AK9: variants seen among roughly 807,000 people sequenced by gnomAD.
The protein encoded by AK9 is adenylate kinase 9, also known as adenylate kinase domain containing 1.
AK9 carries 191 observed loss-of-function variants against 239.6 expected under a neutral mutation model. The ratio of observed to expected loss-of-function variants is 0.80; its 90% CI spans 0.71 to 0.90. AK9 has a LOEUF of 0.90. Ranked by LOEUF, AK9 falls within the 40% of genes least tolerant of loss-of-function variation. The pLI, the probability that AK9 is intolerant of heterozygous loss-of-function variation, is 0.00. For missense variants in AK9, 1,995 were observed against 2,214.7 expected (o/e 0.90, Z 1.99); for synonymous variants, 689 against 721.0 (o/e 0.96, Z 0.71).
Position 109,509,159 on chromosome 6 carries a change from C to T in AK9, c.4481+20G>A, listed in dbSNP as rs1426560486. ...AAGATTTAACTCCCTCTGTCCCATC[C>T]TCTCACCCCATTCACTTACCCTGCA... On this transcript the variant is annotated intron_variant, in intron 33 of 40. Transcript: ENST00000424296. The T allele has an allele frequency of 1.3e-6, 2 of 1,549,516 alleles. No homozygotes were observed. Among genetic ancestry groups the T allele is most frequent in the Non-Finnish European group, 1.7e-6 (2 of 1,145,142 alleles).
intron 1 of AK9, among the ~76,000 whole-genome samples, chr6:109,683,610 C>T (rs1023736579): frequency 9.2e-5 from 14 of 152,128 alleles, no homozygotes; most frequent in Admixed American, 8.5e-4. Context: ...CAATAACAGA[C>T]AAACAGAGGG....
chr6:109,565,732 C>A (rs547119082), intron 21 of AK9, among the ~76,000 whole-genome samples: 5 of 152,072 alleles, frequency 3.3e-5, no homozygotes, highest in Non-Finnish European at 7.4e-5. Flanking sequence ...CTAGTCTGCT[C>A]CTAGTTCTGA....
intron 20 of AK9, among the ~76,000 whole-genome samples, chr6:109,574,338 C>A (rs1328198601): frequency 6.6e-6 from 1 of 152,108 alleles, no homozygotes. Context: ...TGTGTCACTG[C>A]ACTCCAGCCT....
intron 17 of AK9, among the ~76,000 whole-genome samples, chr6:109,587,315 CA>C (rs1394475928): frequency 2.0e-5 from 3 of 152,074 alleles, no homozygotes; most frequent in Non-Finnish European, 4.4e-5. Flanking sequence ...TTGTTTGAAA[CA>C]AAACAACATT....
In AK9 at chr6:109,662,653, GATAAT is replaced by G. The variant is rs1800587645; in HGVS notation, c.337_341del (p.Ile113HisfsTer2). 1.9e-6 allele frequency: 3 copies of G among 1,556,606 alleles called. No individual in the cohort carries two copies. In the East Asian group the frequency reaches 7.1e-5, roughly 37 times the overall value. On this transcript the variant is annotated frameshift_variant, in exon 6 of 41. Transcript: ENST00000424296. LOFTEE classifies it high-confidence loss of function. ...CCTGTGAAAGTGATGGTATTTCAGTGATAATATAACCTGTAAAGTAAAATATAATT... is the reference window on the plus strand; with the variant it reads ...CCTGTGAAAGTGATGGTATTTCAGTGATAACCTGTAAAGTAAAATATAATT...
At chr6:109,554,355 T>C (rs1277162532) in intron 24 of AK9, among the ~76,000 whole-genome samples, 1 of 152,122 alleles carries the variant, frequency 6.6e-6, no homozygotes, top group Non-Finnish European at 1.5e-5. Context: ...AGGCTATTAA[T>C]TACCTCCTCA....
intron 8 of AK9, among the ~76,000 whole-genome samples, chr6:109,653,269 T>C (rs1055242240): frequency 4.6e-5 from 7 of 152,142 alleles, no homozygotes; most frequent in African/African-American, 1.7e-4. Context: ...TAGCCAGTTG[T>C]TTTTCCAAAG....
chr6:109,529,948 C>T (rs1781014164), intron 28 of AK9, among the ~76,000 whole-genome samples: 1 of 152,168 alleles, frequency 6.6e-6, no homozygotes. Flanking sequence ...GGTATCCATC[C>T]ATGGCCCAAG....
chr6:109,665,399 T>TA (rs1801041929), intron 5 of AK9, among the ~76,000 whole-genome samples: 1 of 152,128 alleles, frequency 6.6e-6, no homozygotes, highest in South Asian at 2.1e-4. Flanking sequence ...AGTACATCCC[T>TA]AAAAAAATGT....
chr6:109,662,799 T>A, intron 5 of AK9, 136 bp from the exon 6 acceptor site: 1 of 301,156 alleles, frequency 3.3e-6, no homozygotes, highest in South Asian at 1.5e-4. Flanking sequence ...TCAAAAATTT[T>A]AAATTAACAC....
chr6:109,681,709 C>A (rs1772667254), intron 1 of AK9, among the ~76,000 whole-genome samples: 1 of 152,132 alleles, frequency 6.6e-6, no homozygotes, highest in Non-Finnish European at 1.5e-5. Flanking sequence ...AAACACTCCT[C>A]AGTAAATGCA....
rs1274796529 is a variant in AK9, at chr6:109,610,519, G to A, written c.1694-6C>T. On this transcript the variant is annotated splice_polypyrimidine_tract_variant and splice_region_variant and intron_variant, in intron 16 of 40. Transcript: ENST00000424296. ...TATCAAGTCTTCTGTTGGGGCTAAA[G>A]TAAAATAAGCTGATAAATTAATGCC... The A allele has an allele frequency of 6.5e-7, 1 of 1,548,504 alleles. No homozygotes were observed. Among genetic ancestry groups the A allele is most frequent in the South Asian group, 1.2e-5 (1 of 83,500 alleles).
intron 28 of AK9, among the ~76,000 whole-genome samples, chr6:109,529,449 T>C (rs769191399): frequency 1.6e-4 from 25 of 152,168 alleles, no homozygotes; most frequent in African/African-American, 6.0e-4. Context: ...TAGCCTACCA[T>C]AGCGATCCCC....
At chr6:109,678,943 TCA>T (rs1223275311) in intron 1 of AK9, among the ~76,000 whole-genome samples, 3 of 152,176 alleles carry the variant, frequency 2.0e-5, no homozygotes, top group Non-Finnish European at 4.4e-5. Context: ...TATGCTTTTC[TCA>T]CAGTCTTCAC....
Position 109,497,552 on chromosome 6 carries a change from AGAGCTTCATATCTG to A in AK9, c.5217-3_5227del. The A allele has an allele frequency of 6.3e-7, 1 of 1,599,672 alleles. No homozygotes were observed. ...AGCATAGTTAATGCTACCAGGTACT[AGAGCTTCATATCTG>A]GAAGACCAAAAAACAAAACAAAACC... is the stretch of plus-strand genomic sequence containing the variant. On this transcript the variant is annotated splice_acceptor_variant and splice_polypyrimidine_tract_variant and coding_sequence_variant and intron_variant, in exon 38 of 41. Coordinates refer to ENST00000424296, the MANE Select transcript of AK9 (RefSeq NM_001145128.3). LOFTEE classifies it high-confidence loss of function.
At chr6:109,563,551 T>C in intron 24 of AK9, 46 bp downstream of exon 24, 6 of 1,541,096 alleles carry the variant, frequency 3.9e-6, no homozygotes, top group Non-Finnish European at 5.2e-6. Flanking sequence ...TTGCATATTT[T>C]CAATGACTTC....
At chr6:109,521,123 T>C (rs1479349105) in intron 29 of AK9, among the ~76,000 whole-genome samples, 1 of 152,124 alleles carries the variant, frequency 6.6e-6, no homozygotes, top group Non-Finnish European at 1.5e-5. Flanking sequence ...TCTTAATATT[T>C]TTAACAGCCA....
At chr6:109,649,492 G>T (rs374231487) in intron 8 of AK9, among the ~76,000 whole-genome samples, 2 of 151,614 alleles carry the variant, frequency 1.3e-5, no homozygotes, top group Admixed American at 6.6e-5. Context: ...CAATTGCTTC[G>T]AAGAGAATAA....
intron 27 of AK9, among the ~76,000 whole-genome samples, chr6:109,540,037 G>C (rs1246919364): frequency 1.3e-5 from 2 of 152,104 alleles, no homozygotes; most frequent in African/African-American, 4.8e-5. Context: ...CCCAGTTAGG[G>C]TACTCGGGGG....
Sources: gnomAD v4.1 joint callset for allele counts (sites outside exome capture counted in the v4.1 genomes callset) on GRCh38, gnomAD v4.1.1 for gene constraint, MANE v1.5 for transcripts, NCBI Gene and HGNC (gene_info 2026-07-23, HGNC 2026-07-21) for gene names.